The following ATL3 variants were observed in gnomAD, a reference collection of about 807,000 sequenced individuals.
ATL3 encodes the protein atlastin-3.
ATL3 carries 49 observed loss-of-function variants against 69.5 expected under a neutral mutation model. The observed-to-expected ratio is 0.71, with a 90% CI of 0.56 to 0.89. ATL3 has a LOEUF of 0.89. Ranked by LOEUF, ATL3 falls within the 40% of genes least tolerant of loss-of-function variation. The pLI, the probability that ATL3 is intolerant of heterozygous loss-of-function variation, is 0.00. For missense variants in ATL3, 606 were observed against 645.7 expected (o/e 0.94, Z 0.67); for synonymous variants, 214 against 224.1 (o/e 0.95, Z 0.40).
chr11:63,629,289 GT>G lies in ATL3; in HGVS notation c.*29del. The G allele has an allele frequency of 1.3e-6, 2 of 1,578,056 alleles. No individual in the cohort carries two copies. The highest frequency in any genetic ancestry group is 8.7e-7 in the Non-Finnish European group (1 of 1,147,264). ...ACCCAGAAATCAGTAGGGGCTTGTT[GT>G]GTTCTTGTTTGATCTTCACGTTAAG... On this transcript the variant is annotated 3_prime_UTR_variant, in exon 13 of 13. Coordinates refer to ENST00000398868, the MANE Select transcript of ATL3 (RefSeq NM_015459.5).
chr11:63,655,541 G>A (rs555178567), intron 3 of ATL3, among the ~76,000 whole-genome samples: 14 of 149,798 alleles, frequency 9.3e-5, no homozygotes, highest in South Asian at 4.3e-4. Flanking sequence ...TCCACCTCCC[G>A]GGTTCCAGCG....
At chr11:63,652,718 A>T (rs1325559859) in intron 3 of ATL3, 143 bp from the exon 4 acceptor site, 6 of 530,634 alleles carry the variant, frequency 1.1e-5, no homozygotes, top group Middle Eastern at 5.1e-4. Context: ...TAGGTTCTGT[A>T]CAACTATTTA....
At chr11:63,671,542 G>T, upstream of ATL3, 1 of 1,422,928 alleles carries the variant, frequency 7.0e-7, no homozygotes, top group Non-Finnish European at 9.2e-7. Flanking sequence ...CGTGGCGAGC[G>T]CAGGACGAGG....
chr11:63,653,946 T>G (rs1940159842), intron 3 of ATL3, among the ~76,000 whole-genome samples: 1 of 152,118 alleles, frequency 6.6e-6, no homozygotes, highest in Non-Finnish European at 1.5e-5. Context: ...CAAAATCCAA[T>G]GTACAACACA....
intron 1 of ATL3, 40 bp downstream of exon 1, chr11:63,671,250 G>A (rs1940764118): frequency 6.4e-7 from 1 of 1,552,218 alleles, no homozygotes; most frequent in Admixed American, 1.9e-5. Flanking sequence ...AAGGCGGCGG[G>A]GGTGGCCGCG....
rs890631220 is a variant in ATL3, at chr11:63,627,900, T to G, written c.*1419A>C. 6.6e-6 allele frequency: 1 copy of G among 152,194 alleles called. No individual in the cohort carries two copies. The highest frequency in any genetic ancestry group is 2.4e-5 in the African/African-American group (1 of 41,452). 9.4% of individuals were successfully genotyped at this position (152,194 alleles called of 1,614,324 possible). On this transcript the variant is annotated 3_prime_UTR_variant, in exon 13 of 13. Coordinates refer to ENST00000398868, the MANE Select transcript of ATL3 (RefSeq NM_015459.5). ...TAGATAATTCACTAAATAAAATGGG[T>G]TAATTTTAGCTTCATTATTAAGAAC...
intron 3 of ATL3, among the ~76,000 whole-genome samples, chr11:63,655,373 A>G (rs1201671302): frequency 4.6e-5 from 7 of 151,258 alleles, no homozygotes; most frequent in Non-Finnish European, 8.8e-5. Flanking sequence ...CTGGTCTCGA[A>G]CTCCTGACCT....
At position 63,643,509 on chromosome 11, in the gene ATL3, C is replaced by A; in HGVS notation, c.712-14G>T. ...ATGTTCCTTCACCTGCCAATGAAGA[C>A]CAAGAATTTACCAACCAAAAGTCAT... On this transcript the variant is annotated splice_polypyrimidine_tract_variant and intron_variant, in intron 7 of 12. Transcript: ENST00000398868. 1.3e-6 allele frequency: 2 copies of A among 1,599,232 alleles called. No individual in the cohort carries two copies. The highest frequency in any genetic ancestry group is 4.5e-5 in the East Asian group (2 of 44,412).
chr11:63,640,829 T>C (rs1325068358), intron 8 of ATL3, among the ~76,000 whole-genome samples: 1 of 152,056 alleles, frequency 6.6e-6, no homozygotes, highest in Non-Finnish European at 1.5e-5. Flanking sequence ...CTCAAACTCC[T>C]GACCTCAGGT....
intron 8 of ATL3, among the ~76,000 whole-genome samples, chr11:63,640,682 G>A (rs1305066047): frequency 2.2e-5 from 3 of 133,834 alleles, no homozygotes; most frequent in Admixed American, 9.5e-5. Context: ...TCGGCTCACT[G>A]CAACCTCTGC....
chr11:63,643,483 G>A lies in ATL3; in HGVS notation c.724C>T (p.Gln242Ter), dbSNP rs1297896257. The A allele has an allele frequency of 1.2e-6, 2 of 1,610,438 alleles. No individual in the cohort carries two copies. The highest frequency in any genetic ancestry group is 2.2e-5 in the South Asian group (2 of 90,038). ...LDKRLQVKEH[Q>*]HEEIQNVRNH... The stretch of plus-strand genomic sequence containing the variant: ...CGAACATTCTGAATTTCTTCATGTT[G>A]ATGTTCCTTCACCTGCCAATGAAGA... Residue 242 changes from glutamine to a stop codon, truncating the protein, a stop_gained, in exon 8 of 13, where the codon CAA becomes TAA. Coordinates refer to ENST00000398868, the MANE Select transcript of ATL3 (RefSeq NM_015459.5). LOFTEE classifies it high-confidence loss of function.
At chr11:63,632,960 GC>G in intron 11 of ATL3, 65 bp downstream of exon 11, 2 of 1,449,038 alleles carry the variant, frequency 1.4e-6, no homozygotes, top group Non-Finnish European at 1.9e-6. Flanking sequence ...ATCAAGTTGG[GC>G]TTTTGAAGTC....
At chr11:63,671,020 G>A (rs1940753673) in intron 1 of ATL3, among the ~76,000 whole-genome samples, 2 of 152,260 alleles carry the variant, frequency 1.3e-5, no homozygotes, top group South Asian at 4.1e-4. Context: ...AGGAGCTGGA[G>A]GAGCCCCCGG....
At chr11:63,634,178 T>C (rs1256970285) in intron 10 of ATL3, among the ~76,000 whole-genome samples, 24 of 139,090 alleles carry the variant, frequency 1.7e-4, no homozygotes, top group Admixed American at 1.6e-3. Context: ...TAGATCCTGT[T>C]TCTATTTAAA....
intron 1 of ATL3, among the ~76,000 whole-genome samples, chr11:63,661,136 T>C (rs967824182): frequency 1.3e-5 from 2 of 151,430 alleles, no homozygotes; most frequent in African/African-American, 4.9e-5. Flanking sequence ...GGGAGAAGAA[T>C]TGCTTGAACC....
At chr11:63,634,038 CAAAA>C (rs1158615731) in intron 10 of ATL3, among the ~76,000 whole-genome samples, 1 of 76,100 alleles carries the variant, frequency 1.3e-5, no homozygotes. Flanking sequence ...CTGTCTCAAA[CAAAA>C]AAAAAAAAAA....
chr11:63,645,844 T>C (rs1939857426), intron 6 of ATL3, among the ~76,000 whole-genome samples: 1 of 152,068 alleles, frequency 6.6e-6, no homozygotes, highest in African/African-American at 2.4e-5. Flanking sequence ...CTCGGCTCAC[T>C]GTAACCTTCA....
At chr11:63,667,857 G>A (rs1940625472) in intron 1 of ATL3, among the ~76,000 whole-genome samples, 1 of 151,954 alleles carries the variant, frequency 6.6e-6, no homozygotes, top group Non-Finnish European at 1.5e-5. Context: ...CTGTTGTGGG[G>A]GGCTATCCTA....
chr11:63,631,293 C>T lies in ATL3; in HGVS notation c.1286G>A (p.Cys429Tyr). The change falls in exon 12 of 13, where the codon TGC becomes TAC. Residue 429 changes from cysteine (C) to tyrosine (Y), a missense_variant. Transcript: ENST00000398868. Reference protein sequence around the residue: ...EEIKELYENFCKHNGSKNVFS... With the variant: ...EEIKELYENFYKHNGSKNVFS... ...GACGTTCTTGCTACCATTGTGCTTG[C>T]AGAAGTTCTCATATAATTCCTTGAT... is the stretch of plus-strand genomic sequence containing the variant. 6.2e-7 allele frequency: 1 copy of T among 1,614,212 alleles called. No individual in the cohort carries two copies. The highest frequency in any genetic ancestry group is 8.5e-7 in the Non-Finnish European group (1 of 1,180,028).
Sources: allele counts gnomAD v4.1 joint callset (sites outside exome capture counted in the v4.1 genomes callset), GRCh38; gene constraint gnomAD v4.1.1; transcripts MANE v1.5; gene names NCBI Gene and HGNC (gene_info 2026-07-23, HGNC 2026-07-21).